TRERF1: variants seen among roughly 807,000 people sequenced by gnomAD.
TRERF1 encodes transcriptional regulating factor 1.
TRERF1 carries 27 observed loss-of-function variants against 122.9 expected under a neutral mutation model. The observed-to-expected ratio is 0.22, with a 90% CI of 0.16 to 0.30. TRERF1 has a LOEUF of 0.30. Ranked by LOEUF, TRERF1 falls within the 10% of genes least tolerant of loss-of-function variation. The pLI is 1.00. For missense variants in TRERF1, 1,248 were observed against 1,560.3 expected, an observed-to-expected ratio of 0.80 and a Z score of 3.37; for synonymous variants, 636 against 641.7, an observed-to-expected ratio of 0.99 and a Z score of 0.13.
intron 3 of TRERF1, among the ~76,000 whole-genome samples, chr6:42,354,945 G>A (rs1198567716): frequency 6.6e-6 from 1 of 152,166 alleles, no homozygotes; most frequent in Non-Finnish European, 1.5e-5. Context: ...CTAGACTCAT[G>A]AACTAATTTG....
intron 2 of TRERF1, among the ~76,000 whole-genome samples, chr6:42,411,887 T>C (rs1447900775): frequency 6.6e-6 from 1 of 152,214 alleles, no homozygotes; most frequent in Non-Finnish European, 1.5e-5. Context: ...TTTTCTTATC[T>C]GTAAATGAAC....
chr6:42,265,627 C>T (rs1779007144), intron 6 of TRERF1, 124 bp downstream of exon 6: 2 of 1,062,256 alleles, frequency 1.9e-6, no homozygotes, highest in African/African-American at 1.6e-5. Flanking sequence ...AACACAACAG[C>T]TGCTATTATT....
chr6:42,327,788 G>A (rs1225271638), intron 3 of TRERF1, among the ~76,000 whole-genome samples: 1 of 152,094 alleles, frequency 6.6e-6, no homozygotes, highest in African/African-American at 2.4e-5. Flanking sequence ...CACCATTGGA[G>A]CAAGATCTAA....
intron 2 of TRERF1, among the ~76,000 whole-genome samples, chr6:42,409,325 G>A (rs565175702): frequency 6.6e-6 from 1 of 152,156 alleles, no homozygotes; most frequent in African/African-American, 2.4e-5. Context: ...TCTATTTATT[G>A]TACTGATCTT....
At chr6:42,297,900 C>T (rs1785376179) in intron 4 of TRERF1, among the ~76,000 whole-genome samples, 1 of 152,040 alleles carries the variant, frequency 6.6e-6, no homozygotes, top group Admixed American at 6.5e-5. Context: ...ACCAGACCTG[C>T]AAGAACTTCA....
At chr6:42,354,095 G>T (rs1055863697) in intron 3 of TRERF1, among the ~76,000 whole-genome samples, 1 of 152,240 alleles carries the variant, frequency 6.6e-6, no homozygotes, top group African/African-American at 2.4e-5. Context: ...GTGGCCAGAG[G>T]CCCTTTGTGA....
rs150261928 is a variant in TRERF1 at position 42,292,559 on chromosome 6, C to CGA, written c.-259+8077_-259+8078dup. On this transcript the variant is annotated intron_variant, in intron 4 of 17. Coordinates refer to ENST00000372922, the Ensembl canonical transcript of TRERF1. Reference sequence around the variant, plus strand: ...GACTGGCTCATCCTTGCAGGAAGTCCGAGAGAGAGAGGCCTACAAGTCTAC... The same window carrying CGA: ...GACTGGCTCATCCTTGCAGGAAGTCCGAGAGAGAGAGAGGCCTACAAGTCTAC... Among the ~76,000 whole-genome samples, 1,334 of 152,002 alleles carry CGA rather than the reference C, an allele frequency of 8.8e-3. 8 individuals are homozygous for CGA. Among genetic ancestry groups the CGA allele is most frequent in the Admixed American group, 0.014 (210 of 15,274 alleles).
intron 9 of TRERF1, among the ~76,000 whole-genome samples, chr6:42,258,740 A>ATT (rs370546940): frequency 1.0e-4 from 15 of 145,432 alleles, no homozygotes; most frequent in African/African-American, 3.5e-4. Flanking sequence ...ACATCCCGTT[A>ATT]TTTTTTTTTT....
At chr6:42,246,426 C>T (rs756807641) in intron 14 of TRERF1, 30 bp downstream of exon 14, 2 of 1,482,744 alleles carry the variant, frequency 1.3e-6, no homozygotes, top group Non-Finnish European at 1.8e-6. Context: ...AATTTAATTT[C>T]AAGGGGGCAA....
intron 4 of TRERF1, among the ~76,000 whole-genome samples, chr6:42,293,172 C>T (rs1408160041): frequency 6.6e-6 from 1 of 152,152 alleles, no homozygotes; most frequent in African/African-American, 2.4e-5. Context: ...GCCTCACAGA[C>T]GTGGAAAAAG....
chr6:42,262,441 A>AC (rs1778195898), intron 8 of TRERF1, among the ~76,000 whole-genome samples: 4 of 29,478 alleles, frequency 1.4e-4, no homozygotes, highest in Admixed American at 2.8e-4. Flanking sequence ...GGGCAGAGAG[A>AC]GAGAGAGAGA....
At chr6:42,246,541 G>A (rs1225794787) in exon 14 of TRERF1, 1 of 1,599,812 alleles carries the variant, frequency 6.3e-7, no homozygotes, top group Non-Finnish European at 8.5e-7. Context: ...CCACTTGTCC[G>A]AACCTACAAC....
chr6:42,261,924 T>C (rs1009906982), intron 8 of TRERF1, among the ~76,000 whole-genome samples: 2 of 152,102 alleles, frequency 1.3e-5, no homozygotes, highest in African/African-American at 4.8e-5. Flanking sequence ...TCTCATCCAG[T>C]CACACTTAAA....
intron 2 of TRERF1, among the ~76,000 whole-genome samples, chr6:42,399,606 G>A (rs1779110015): frequency 6.6e-6 from 1 of 152,198 alleles, no homozygotes; most frequent in Non-Finnish European, 1.5e-5. Context: ...AAACACTGGA[G>A]CAAGCAAGTT....
At chr6:42,373,025 A>T (rs1417433145) in intron 2 of TRERF1, among the ~76,000 whole-genome samples, 2 of 152,248 alleles carry the variant, frequency 1.3e-5, no homozygotes, top group Non-Finnish European at 2.9e-5. Context: ...GATGAAGACA[A>T]GGATAATCAG....
chr6:42,240,050 C>T (rs1396110540), intron 15 of TRERF1, among the ~76,000 whole-genome samples: 1 of 151,804 alleles, frequency 6.6e-6, no homozygotes. Flanking sequence ...TCACGCCGGC[C>T]TGGGTCTCCC....
Position 42,387,310 on chromosome 6 carries a change from C to T in TRERF1, c.-453-24231G>A, listed in dbSNP as rs16895667. 7.5e-3 allele frequency among the ~76,000 whole-genome samples: 1,148 copies of T among 152,348 alleles called. 31 individuals carry two copies. The East Asian group carries it at 0.1, about 14-fold the overall frequency. On this transcript the variant is annotated intron_variant, in intron 2 of 17. Transcript: ENST00000372922. Reference sequence around the variant, plus strand: ...CTAGAACATCAATATTTAGCTCACACGCTGCAAACTTCTTACTAGCGAAGT... The same window carrying T: ...CTAGAACATCAATATTTAGCTCACATGCTGCAAACTTCTTACTAGCGAAGT...
intron 2 of TRERF1, among the ~76,000 whole-genome samples, chr6:42,449,323 C>T (rs1788057773): frequency 1.3e-5 from 2 of 152,160 alleles, no homozygotes; most frequent in Non-Finnish European, 2.9e-5. Context: ...CCTAAAAGGG[C>T]GGAGCCCAGA....
chr6:42,294,996 C>T (rs1219455381), intron 4 of TRERF1, among the ~76,000 whole-genome samples: 1 of 148,658 alleles, frequency 6.7e-6, no homozygotes, highest in Non-Finnish European at 1.5e-5. Flanking sequence ...TGTTAATAGA[C>T]TTTGAGGTTT....
Sources: allele counts gnomAD v4.1 joint callset (sites outside exome capture counted in the v4.1 genomes callset), GRCh38; gene constraint gnomAD v4.1.1; transcripts MANE v1.5; gene names NCBI Gene and HGNC (gene_info 2026-07-23, HGNC 2026-07-21).